The following XNDC1N variants were observed in gnomAD, a reference collection of about 807,000 sequenced individuals.
The protein encoded by XNDC1N is protein XNDC1N.
the XNDC1N span, among the ~76,000 whole-genome samples, chr11:71,879,494 C>G: frequency 6.6e-6 from 1 of 152,178 alleles, no homozygotes; most frequent in Non-Finnish European, 1.5e-5. Flanking sequence ...CATTTTAATA[C>G]TTCACAATTC....
At chr11:71,922,110 A>C in the XNDC1N span, among the ~76,000 whole-genome samples, 1 of 151,896 alleles carries the variant, frequency 6.6e-6, no homozygotes, top group African/African-American at 2.4e-5. Context: ...TGGTGAGCCG[A>C]GATCACACCA....
chr11:71,885,138 T>A, the XNDC1N span, among the ~76,000 whole-genome samples: 2 of 150,776 alleles, frequency 1.3e-5, no homozygotes, highest in Non-Finnish European at 2.9e-5. Flanking sequence ...CTGTATTGGG[T>A]GTCATATCAT....
At chr11:71,888,254 G>T in the XNDC1N span, among the ~76,000 whole-genome samples, 3 of 152,190 alleles carry the variant, frequency 2.0e-5, no homozygotes, top group Non-Finnish European at 1.5e-5. Context: ...TGGGAAGGCA[G>T]CCCGGGATCA....
At chr11:71,921,541 G>A in the XNDC1N span, among the ~76,000 whole-genome samples, 2 of 152,168 alleles carry the variant, frequency 1.3e-5, no homozygotes, top group Non-Finnish European at 2.9e-5. Context: ...ACCTCCCAAA[G>A]TGTTGGGATT....
the XNDC1N span, among the ~76,000 whole-genome samples, chr11:71,876,366 C>G: frequency 6.6e-6 from 1 of 152,236 alleles, no homozygotes; most frequent in East Asian, 1.9e-4. Context: ...CTTTATCTTT[C>G]TTTGCTGAAG....
chr11:71,905,686 C>T, the XNDC1N span, among the ~76,000 whole-genome samples: 1 of 151,898 alleles, frequency 6.6e-6, no homozygotes, highest in East Asian at 1.9e-4. Context: ...AGCAATATCT[C>T]CCTATGATAT....
At chr11:71,880,889 T>C in the XNDC1N span, among the ~76,000 whole-genome samples, 1 of 152,220 alleles carries the variant, frequency 6.6e-6, no homozygotes, top group African/African-American at 2.4e-5. Flanking sequence ...TGATATAATG[T>C]TGATTTTTCA....
the XNDC1N span, among the ~76,000 whole-genome samples, chr11:71,910,524 G>A: frequency 2.0e-5 from 3 of 152,184 alleles, no homozygotes; most frequent in African/African-American, 4.8e-5. Context: ...CCTAGGCTGC[G>A]TGTTGCTCCA....
chr11:71,907,692 G>A, the XNDC1N span, among the ~76,000 whole-genome samples: 1 of 151,980 alleles, frequency 6.6e-6, no homozygotes, highest in South Asian at 2.1e-4. Flanking sequence ...CCTCTCCCAC[G>A]TTGCAACTAG....
At chr11:71,918,860 G>C in the XNDC1N span, 9 of 701,422 alleles carry the variant, frequency 1.3e-5, no homozygotes, top group African/African-American at 1.4e-4. Context: ...TCTTCCTCAA[G>C]GTTCCTAGGC....
chr11:71,893,660 C>A, the XNDC1N span: 43 of 1,258,002 alleles, frequency 3.4e-5, 1 homozygote, highest in South Asian at 4.9e-4. Flanking sequence ...TTCTTCCTCT[C>A]CAACCTGTGC....
chr11:71,921,383 A>G, the XNDC1N span, among the ~76,000 whole-genome samples: 1 of 152,050 alleles, frequency 6.6e-6, no homozygotes, highest in African/African-American at 2.4e-5. Context: ...GGCTCAAGCA[A>G]TCTGCCCGCC....
the XNDC1N span, chr11:71,917,089 T>C: frequency 1.9e-5 from 5 of 263,512 alleles, no homozygotes; most frequent in East Asian, 1.8e-4. Flanking sequence ...TCTTGGCTCA[T>C]TGTAACCTCT....
chr11:71,886,285 C>T, the XNDC1N span, among the ~76,000 whole-genome samples: 1 of 152,138 alleles, frequency 6.6e-6, no homozygotes, highest in Non-Finnish European at 1.5e-5. Context: ...TGATTGGCAC[C>T]AGTTGCTCAT....
the XNDC1N span, among the ~76,000 whole-genome samples, chr11:71,921,000 CT>C: frequency 4.0e-4 from 60 of 150,602 alleles, no homozygotes; most frequent in African/African-American, 1.2e-3. Context: ...ATTTCTTCTT[CT>C]TTTTTTTTAG....
chr11:71,892,197 C>G, the XNDC1N span, among the ~76,000 whole-genome samples: 2 of 152,244 alleles, frequency 1.3e-5, no homozygotes, highest in Middle Eastern at 3.4e-3. Context: ...AGTCTGTACA[C>G]ACATGGTGTA....
At chr11:71,878,529 T>C in the XNDC1N span, 1 of 1,605,034 alleles carries the variant, frequency 6.2e-7, no homozygotes, top group South Asian at 1.1e-5. Flanking sequence ...GAAACTTTTT[T>C]ATTCCAAAGT....
the XNDC1N span, chr11:71,916,090 C>T: frequency 2.8e-6 from 2 of 702,918 alleles, no homozygotes; most frequent in Non-Finnish European, 5.2e-6. Flanking sequence ...CAGCACAGAG[C>T]TCAGAAGGGC....
At chr11:71,926,498 C>T in the XNDC1N span, among the ~76,000 whole-genome samples, 5 of 152,176 alleles carry the variant, frequency 3.3e-5, no homozygotes, top group African/African-American at 1.2e-4. Flanking sequence ...CACTTCAGAG[C>T]AGCATCATGA....
Sources: allele counts gnomAD v4.1 joint callset (sites outside exome capture counted in the v4.1 genomes callset), GRCh38; gene constraint gnomAD v4.1.1; transcripts MANE v1.5; gene names NCBI Gene and HGNC (gene_info 2026-07-23, HGNC 2026-07-21).